STK40: variants seen among roughly 807,000 people sequenced by gnomAD.
STK40 encodes the protein serine/threonine kinase 40, also known as serine/threonine-protein kinase 40.
A neutral mutation model predicts 47.9 loss-of-function variants in STK40; 13 were observed. The observed-to-expected ratio is 0.27, with a 90% CI of 0.18 to 0.43. The LOEUF (loss-of-function observed/expected upper bound fraction) is 0.43. Among genes scored for constraint, STK40 ranks in the 20% least tolerant of loss-of-function variants. STK40 has a pLI of 1.00. For synonymous variants in STK40, 225 were observed against 243.2 expected, an observed-to-expected ratio of 0.93 and a Z score of 0.69; for missense variants, 460 against 595.1, an observed-to-expected ratio of 0.77 and a Z score of 2.36.
At chr1:36,384,933 G>A (rs1369765494) in intron 1 of STK40, among the ~76,000 whole-genome samples, 1 of 152,186 alleles carries the variant, frequency 6.6e-6, no homozygotes, top group Non-Finnish European at 1.5e-5. Flanking sequence ...CCAAAGCAAA[G>A]CCAACCGGTT....
intron 1 of STK40, among the ~76,000 whole-genome samples, chr1:36,376,749 G>A (rs1337044706): frequency 6.6e-6 from 1 of 151,922 alleles, no homozygotes; most frequent in Admixed American, 6.6e-5. Flanking sequence ...TCCTACTTGG[G>A]TTAAAAAAGA....
At chr1:36,362,474 A>G (rs1306730311) in intron 1 of STK40, 1 of 152,230 alleles carries the variant, frequency 6.6e-6, no homozygotes, top group African/African-American at 2.4e-5. Context: ...CAAGCCACCA[A>G]CGCCAGGTAG....
chr1:36,344,542 C>T (rs1447815368), intron 7 of STK40, among the ~76,000 whole-genome samples: 1 of 152,254 alleles, frequency 6.6e-6, no homozygotes, highest in Non-Finnish European at 1.5e-5. Context: ...AGCCCCAGCA[C>T]CCAGCACAGC....
At position 36,341,832 on chromosome 1, in the gene STK40, G is replaced by A; in HGVS notation, c.1231C>T (p.Arg411Ter). 1 of 1,613,594 alleles carries A rather than the reference G, an allele frequency of 6.2e-7. No individual in the cohort carries two copies. The highest frequency in any genetic ancestry group is 8.5e-7 in the Non-Finnish European group (1 of 1,179,960). ...GGCTGTGCGTCGTGGCCCAGCCGTCGCACCGGTGGTGCGCTGCCGAACTGC... is the reference window on the plus strand; with the variant it reads ...GGCTGTGCGTCGTGGCCCAGCCGTCACACCGGTGGTGCGCTGCCGAACTGC... ...KRQFGSAPPV[R>*]RLGHDAQPMT... Residue 411 changes from arginine (R) to a stop codon, truncating the protein, a stop_gained, in exon 11 of 11, where the codon CGA becomes TGA. Coordinates refer to ENST00000373132, the MANE Select transcript of STK40 (RefSeq NM_001282547.2). LOFTEE classifies it high-confidence loss of function.
At position 36,361,325 on chromosome 1, in the gene STK40, C is replaced by T. The variant is rs769201571; in HGVS notation, c.8G>A (p.Arg3Gln). 7.4e-6 allele frequency: 12 copies of T among 1,614,090 alleles called. No homozygotes were observed. Among genetic ancestry groups the T allele is most frequent in the South Asian group, 3.3e-5 (3 of 91,096 alleles). Residue 3 changes from arginine (R) to glutamine (Q), a missense_variant, in exon 2 of 11, where the codon CGG becomes CAG. Physicochemically the swap from Arg to Gln is conservative, Grantham distance 43. Around this residue, in one of 3 missense-constraint regions of STK40, gnomAD observed 277 missense variants for 358.7 expected, o/e 0.77. Transcript: ENST00000373132. ...CCCAGCTCCTCTGTCTGATGCTCTC[C>T]GCTTCATTCTCAGCTCTAGACAAGA... MKRRASDRGAGET... is the reference protein window; with the variant it reads MKQRASDRGAGET...
rs762649628 is a variant in STK40, at chr1:36,343,458, G to A, written c.1005-10C>T. On this transcript the variant is annotated splice_polypyrimidine_tract_variant and intron_variant, in intron 9 of 10. Coordinates refer to ENST00000373132, the MANE Select transcript of STK40 (RefSeq NM_001282547.2). ...AGATGACAGGGACTGCCTGCAGGGA[G>A]GCAGACAGGTCAGGCTGGCCCCAGA... 11 of 1,611,566 alleles carry A rather than the reference G, an allele frequency of 6.8e-6. No homozygotes were observed. The highest frequency in any genetic ancestry group is 3.3e-5 in the South Asian group (3 of 90,520).
At chr1:36,380,489 TGAG>T (rs1353295550) in intron 1 of STK40, among the ~76,000 whole-genome samples, 1 of 152,142 alleles carries the variant, frequency 6.6e-6, no homozygotes, top group Non-Finnish European at 1.5e-5. Context: ...CAGTCCTTCC[TGAG>T]AAGAAGGACT....
At chr1:36,358,166 G>T (rs1646820837) in intron 4 of STK40, 73 bp downstream of exon 4, 2 of 1,483,234 alleles carry the variant, frequency 1.3e-6, no homozygotes. Flanking sequence ...TCGTATGGCT[G>T]TGGCCCCAGC....
chr1:36,347,361 A>T (rs748676837), intron 7 of STK40, among the ~76,000 whole-genome samples: 4 of 152,110 alleles, frequency 2.6e-5, no homozygotes, highest in Admixed American at 1.3e-4. Flanking sequence ...GACAAGGGGG[A>T]AAGAGAAAGC....
At chr1:36,350,153 C>T (rs868543937) in intron 6 of STK40, among the ~76,000 whole-genome samples, 3 of 152,246 alleles carry the variant, frequency 2.0e-5, no homozygotes, top group African/African-American at 4.8e-5. Flanking sequence ...CTATACAGGT[C>T]CGCCCTGTCA....
intron 1 of STK40, among the ~76,000 whole-genome samples, chr1:36,367,599 A>C (rs892079441): frequency 1.3e-5 from 2 of 152,142 alleles, no homozygotes; most frequent in Non-Finnish European, 2.9e-5. Flanking sequence ...GGTCCAGGAA[A>C]GCTGGCAGGG....
chr1:36,347,531 TAAGA>T (rs1367965464), intron 7 of STK40, among the ~76,000 whole-genome samples: 2 of 152,170 alleles, frequency 1.3e-5, no homozygotes, highest in Non-Finnish European at 2.9e-5. Flanking sequence ...AAAAAGGACT[TAAGA>T]TAGATATTGG....
At chr1:36,357,796 T>C (rs1378271344) in intron 4 of STK40, among the ~76,000 whole-genome samples, 2 of 152,164 alleles carry the variant, frequency 1.3e-5, no homozygotes, top group African/African-American at 4.8e-5. Context: ...TTTGTATTTT[T>C]AGTGGAGACG....
chr1:36,345,968 C>CATATAT (rs1553135169), intron 7 of STK40, among the ~76,000 whole-genome samples: 570 of 29,854 alleles, frequency 0.019, 100 homozygotes, highest in African/African-American at 0.06. Context: ...AAGGGCATTA[C>CATATAT]ATATATATAT....
intron 1 of STK40, among the ~76,000 whole-genome samples, chr1:36,377,339 C>A (rs1646999866): frequency 1.3e-5 from 2 of 151,198 alleles, no homozygotes; most frequent in Non-Finnish European, 2.9e-5. Flanking sequence ...TCAAGACCAG[C>A]CTGGCCAACA....
rs1171556722 is a variant in STK40 at position 36,348,689 on chromosome 1, C to T, written c.739+11G>A. 2 of 1,594,070 alleles carry T rather than the reference C, an allele frequency of 1.3e-6. No individual in the cohort carries two copies. Among genetic ancestry groups the T allele is most frequent in the Admixed American group, 1.7e-5 (1 of 57,708 alleles). ...GAGCTTAGAGGCCCAATGTCTGGCA[C>T]ACACACGTACCGCTGAGCACGTCGG... On this transcript the variant is annotated intron_variant, in intron 7 of 10. Coordinates refer to ENST00000373132, the MANE Select transcript of STK40 (RefSeq NM_001282547.2).
At chr1:36,352,750 C>T (rs1339345058) in intron 6 of STK40, among the ~76,000 whole-genome samples, 1 of 152,236 alleles carries the variant, frequency 6.6e-6, no homozygotes, top group Non-Finnish European at 1.5e-5. Context: ...CTCCACATGT[C>T]CCTTGCCCTC....
At chr1:36,371,781 A>G (rs2124747789) in intron 1 of STK40, among the ~76,000 whole-genome samples, 1 of 150,096 alleles carries the variant, frequency 6.7e-6, no homozygotes, top group Middle Eastern at 3.5e-3. Context: ...AAATCACCTG[A>G]GGTCAGGAGT....
rs1647007945 is a variant in STK40, at chr1:36,378,239, G to A, written c.-9+7484C>T. ...ATTCTATGTGGGCTGGACTCCCTGG[G>A]ACCAGAGCCTAGCCAGGATGGAGGA... On this transcript the variant is annotated intron_variant, in intron 1 of 10. Transcript: ENST00000373132. Among the ~76,000 whole-genome samples the A allele has an allele frequency of 1.3e-5, 2 of 152,194 alleles. 1 individual carries two copies. Among genetic ancestry groups the A allele is most frequent in the African/African-American group, 4.8e-5 (2 of 41,436 alleles).
Sources: allele counts gnomAD v4.1 joint callset (sites outside exome capture counted in the v4.1 genomes callset), GRCh38; gene constraint gnomAD v4.1.1; regional missense constraint gnomAD v4.1.1; transcripts MANE v1.5; gene names NCBI Gene and HGNC (gene_info 2026-07-23, HGNC 2026-07-21).